POU6F2: variants seen among roughly 807,000 people sequenced by gnomAD.
The protein encoded by POU6F2 is POU domain, class 6, transcription factor 2.
In POU6F2, 31 loss-of-function variants were observed where a neutral mutation model predicts 71.3. That is an observed-to-expected ratio of 0.43 (90% CI 0.33 to 0.59). The LOEUF (loss-of-function observed/expected upper bound fraction) is 0.59. POU6F2 is among the 20% of genes least tolerant of loss of function. The pLI, the probability that POU6F2 is intolerant of heterozygous loss-of-function variation, is 0.04. For synonymous variants in POU6F2, 347 were observed against 355.7 expected, an observed-to-expected ratio of 0.98 and a Z score of 0.27; for missense variants, 783 against 856.8, an observed-to-expected ratio of 0.91 and a Z score of 1.07.
intron 1 of POU6F2, chr7:39,034,553 C>A: frequency 5.4e-6 from 2 of 373,138 alleles, no homozygotes; most frequent in South Asian, 1.9e-5. Flanking sequence ...ATTGGGTTCG[C>A]TCTGGGCTTT....
At chr7:39,150,121 G>A (rs1030254370) in intron 2 of POU6F2, among the ~76,000 whole-genome samples, 3 of 152,050 alleles carry the variant, frequency 2.0e-5, no homozygotes, top group African/African-American at 7.2e-5. Context: ...TCGATCTCCT[G>A]ACCTCGTGAT....
chr7:39,242,165 T>C (rs144244018), intron 4 of POU6F2, among the ~76,000 whole-genome samples: 507 of 152,276 alleles, frequency 3.3e-3, no homozygotes, highest in Non-Finnish European at 5.8e-3. Flanking sequence ...AAACCCACTG[T>C]AAACGTTTGC....
chr7:39,397,498 A>ATG (rs1787198607), intron 5 of POU6F2, among the ~76,000 whole-genome samples: 1 of 148,798 alleles, frequency 6.7e-6, no homozygotes, highest in Non-Finnish European at 1.5e-5. Flanking sequence ...ATATATATAT[A>ATG]TATACACATT....
chr7:39,262,432 G>A (rs747178453), intron 4 of POU6F2, among the ~76,000 whole-genome samples: 16 of 152,122 alleles, frequency 1.1e-4, no homozygotes, highest in Non-Finnish European at 2.2e-4. Flanking sequence ...TTTTCTCAGA[G>A]CCTGATTTTG....
At chr7:39,207,831 C>T (rs1794053606) in intron 4 of POU6F2, among the ~76,000 whole-genome samples, 1 of 152,138 alleles carries the variant, frequency 6.6e-6, no homozygotes, top group Non-Finnish European at 1.5e-5. Context: ...ATCCTCATTT[C>T]CTAACATTGG....
At chr7:39,346,050 A>G (rs773696311) in intron 5 of POU6F2, among the ~76,000 whole-genome samples, 6 of 152,232 alleles carry the variant, frequency 3.9e-5, no homozygotes, top group Non-Finnish European at 7.3e-5. Context: ...ATTTATCCAT[A>G]TACTCTGCAA....
intron 2 of POU6F2, among the ~76,000 whole-genome samples, chr7:39,152,964 C>T (rs1318236648): frequency 6.6e-6 from 1 of 152,104 alleles, no homozygotes; most frequent in Non-Finnish European, 1.5e-5. Context: ...TCTTCTGTTC[C>T]CAGGCTGCCT....
At chr7:39,414,620 T>A (rs1481367048) in intron 6 of POU6F2, among the ~76,000 whole-genome samples, 1 of 152,140 alleles carries the variant, frequency 6.6e-6, no homozygotes, top group Non-Finnish European at 1.5e-5. Flanking sequence ...GCGCGGGACG[T>A]CAGGGCCCCA....
At chr7:39,239,750 AG>A (rs11299391) in intron 4 of POU6F2, among the ~76,000 whole-genome samples, 36,917 of 151,972 alleles carry the variant, frequency 0.24, 5,462 homozygotes, top group African/African-American at 0.42. Flanking sequence ...TCCCACTCCA[AG>A]GAAGTGTATG....
intron 4 of POU6F2, among the ~76,000 whole-genome samples, chr7:39,290,765 C>T (rs1457964919): frequency 1.3e-5 from 2 of 152,270 alleles, no homozygotes; most frequent in Admixed American, 6.5e-5. Flanking sequence ...TGTCCTCCTT[C>T]AGGGACTGCA....
intron 1 of POU6F2, among the ~76,000 whole-genome samples, chr7:39,068,698 A>G (rs1027802245): frequency 6.6e-6 from 1 of 152,190 alleles, no homozygotes; most frequent in Admixed American, 6.5e-5. Flanking sequence ...AGGACAGAAT[A>G]ACAGGAACTC....
intron 1 of POU6F2, among the ~76,000 whole-genome samples, chr7:39,040,282 T>C (rs1410256584): frequency 6.7e-6 from 1 of 149,624 alleles, no homozygotes; most frequent in East Asian, 2.0e-4. Flanking sequence ...TCTTTATTTC[T>C]ACTGCCATAA....
chr7:39,140,088 C>T (rs4723827), intron 2 of POU6F2, among the ~76,000 whole-genome samples: 60,933 of 152,066 alleles, frequency 0.4, 13,179 homozygotes, highest in East Asian at 0.69. Context: ...ACTTATCCCT[C>T]CCCACATCAT....
chr7:39,415,787 T>C (rs1483768677), intron 6 of POU6F2, among the ~76,000 whole-genome samples: 1 of 152,192 alleles, frequency 6.6e-6, no homozygotes, highest in Non-Finnish European at 1.5e-5. Flanking sequence ...GTATAATCTA[T>C]AATCCTAACA....
At chr7:39,256,456 A>C (rs753499701) in intron 4 of POU6F2, among the ~76,000 whole-genome samples, 2 of 152,182 alleles carry the variant, frequency 1.3e-5, no homozygotes, top group Non-Finnish European at 2.9e-5. Flanking sequence ...TTAATTCCTC[A>C]TTAAACTCCC....
intron 5 of POU6F2, among the ~76,000 whole-genome samples, chr7:39,399,343 C>T (rs1322404208): frequency 6.6e-6 from 1 of 152,148 alleles, no homozygotes; most frequent in Non-Finnish European, 1.5e-5. Context: ...AATAAATGCT[C>T]GGTCCCACAA....
At chr7:39,279,864 A>G (rs947151286) in intron 4 of POU6F2, among the ~76,000 whole-genome samples, 2 of 152,120 alleles carry the variant, frequency 1.3e-5, no homozygotes, top group African/African-American at 4.8e-5. Flanking sequence ...CTCCTGCCTC[A>G]GCCTCCTGAG....
chr7:39,364,338 A>T (rs1406994898), intron 5 of POU6F2, among the ~76,000 whole-genome samples: 1 of 148,396 alleles, frequency 6.7e-6, no homozygotes. Flanking sequence ...TTTAGTGGTG[A>T]TTTGTGAGAT....
At chr7:39,115,001 G>C (rs973818765) in intron 2 of POU6F2, among the ~76,000 whole-genome samples, 6 of 152,136 alleles carry the variant, frequency 3.9e-5, no homozygotes, top group Admixed American at 2.6e-4. Flanking sequence ...CCTATTACTA[G>C]TTAAAATATA....
Sources: gnomAD v4.1 joint callset for allele counts (sites outside exome capture counted in the v4.1 genomes callset) on GRCh38, gnomAD v4.1.1 for gene constraint, MANE v1.5 for transcripts, NCBI Gene and HGNC (gene_info 2026-07-23, HGNC 2026-07-21) for gene names.